The following SLC35F4 variants were observed in gnomAD, a reference collection of about 807,000 sequenced individuals.
SLC35F4 encodes the protein chromosome 14 open reading frame 36.
SLC35F4 carries 24 observed loss-of-function variants against 44.2 expected under a neutral mutation model. The observed-to-expected ratio is 0.54, with a 90% CI of 0.39 to 0.76. The LOEUF (loss-of-function observed/expected upper bound fraction) is 0.76, where lower values mean the gene tolerates loss of function less well. Ranked by LOEUF, SLC35F4 falls within the 30% of genes least tolerant of loss-of-function variation. SLC35F4 has a pLI of 0.00. For missense variants in SLC35F4, 562 were observed against 586.1 expected, an observed-to-expected ratio of 0.96 and a Z score of 0.42; for synonymous variants, 238 against 223.6, an observed-to-expected ratio of 1.06 and a Z score of -0.57.
At chr14:57,663,859 G>C (rs146153078) in intron 1 of SLC35F4, among the ~76,000 whole-genome samples, 118 of 152,228 alleles carry the variant, frequency 7.8e-4, no homozygotes, top group African/African-American at 2.6e-3. Flanking sequence ...GAAAGAGATT[G>C]CAAATTGGCA....
At chr14:57,910,666 ACT>A (rs367629818) in intron 1 of SLC35F4, among the ~76,000 whole-genome samples, 97 of 152,078 alleles carry the variant, frequency 6.4e-4, no homozygotes, top group Middle Eastern at 6.8e-3. Context: ...CCAAATACAC[ACT>A]GTTTTGATTA....
At chr14:57,600,924 T>C (rs931047346) in intron 1 of SLC35F4, among the ~76,000 whole-genome samples, 4 of 151,876 alleles carry the variant, frequency 2.6e-5, no homozygotes, top group Non-Finnish European at 5.9e-5. Flanking sequence ...GGTAAACATA[T>C]AGCCTTGAAG....
At chr14:57,714,644 G>T (rs550090968) in intron 1 of SLC35F4, among the ~76,000 whole-genome samples, 1 of 151,948 alleles carries the variant, frequency 6.6e-6, no homozygotes, top group Non-Finnish European at 1.5e-5. Flanking sequence ...AATACCTACT[G>T]AAAGTCTTGC....
chr14:57,756,378 G>C (rs937832860), intron 1 of SLC35F4, among the ~76,000 whole-genome samples: 1 of 151,916 alleles, frequency 6.6e-6, no homozygotes, highest in African/African-American at 2.4e-5. Flanking sequence ...AGATTTTCTA[G>C]ATACGTTTTT....
intron 1 of SLC35F4, among the ~76,000 whole-genome samples, chr14:57,705,286 G>T (rs11846100): frequency 0.046 from 7,003 of 152,046 alleles, 547 homozygotes; most frequent in African/African-American, 0.15. Context: ...GGGCCAGAAG[G>T]TAGAATATAT....
At chr14:57,678,840 T>C (rs2140297018) in intron 1 of SLC35F4, among the ~76,000 whole-genome samples, 1 of 152,120 alleles carries the variant, frequency 6.6e-6, no homozygotes, top group South Asian at 2.1e-4. Flanking sequence ...CCTAAATATA[T>C]ATGCACCCAA....
chr14:57,937,064 C>CT (rs11458039), intron 1 of SLC35F4, among the ~76,000 whole-genome samples: 109,382 of 144,014 alleles, frequency 0.76, 41,567 homozygotes, highest in East Asian at 0.89. Context: ...ATTTTACCTG[C>CT]TTTTTTTTTT....
chr14:57,834,518 TGAC>T (rs1327701052), intron 1 of SLC35F4, among the ~76,000 whole-genome samples: 3 of 152,230 alleles, frequency 2.0e-5, no homozygotes, highest in Admixed American at 6.5e-5. Flanking sequence ...AGTAAAATGA[TGAC>T]AATTGCAAAA....
chr14:57,833,308 C>A (rs1217776733), intron 1 of SLC35F4, among the ~76,000 whole-genome samples: 1 of 152,212 alleles, frequency 6.6e-6, no homozygotes, highest in East Asian at 1.9e-4. Flanking sequence ...TTGTAAAGGA[C>A]CATCTCTGCT....
intron 1 of SLC35F4, among the ~76,000 whole-genome samples, chr14:57,669,136 G>A (rs1193325543): frequency 1.3e-5 from 2 of 152,018 alleles, no homozygotes; most frequent in East Asian, 3.8e-4. Context: ...CTGTTTGTCT[G>A]TTATTGGTGT....
At chr14:57,737,089 T>A (rs2076483011) in intron 1 of SLC35F4, among the ~76,000 whole-genome samples, 1 of 141,752 alleles carries the variant, frequency 7.1e-6, no homozygotes, top group African/African-American at 2.6e-5. Flanking sequence ...AATGACATTC[T>A]TTCTATCTTT....
rs200262352 is a variant in SLC35F4, at chr14:57,672,900, G to GT, written c.104-78777dup. ...AGGTTTTTTGTTTTTTTATTTGTTT[G>GT]TTTTTTGTTTTTTTGCACAGTGTCT... On this transcript the variant is annotated intron_variant, in intron 1 of 7. Transcript: ENST00000556826. Among the ~76,000 whole-genome samples, 308 of 151,276 alleles carry GT rather than the reference G, an allele frequency of 2.0e-3. 1 individual carries two copies. Among genetic ancestry groups the GT allele is most frequent in the African/African-American group, 7.3e-3 (300 of 41,144 alleles).
chr14:57,647,871 C>T (rs1377548874), intron 1 of SLC35F4, among the ~76,000 whole-genome samples: 2 of 152,150 alleles, frequency 1.3e-5, no homozygotes, highest in Non-Finnish European at 2.9e-5. Context: ...AGCAAGAATC[C>T]TGTTAGTTCG....
At chr14:57,595,398 G>A (rs1341732778) in intron 1 of SLC35F4, among the ~76,000 whole-genome samples, 4 of 152,264 alleles carry the variant, frequency 2.6e-5, no homozygotes, top group East Asian at 3.9e-4. Flanking sequence ...AGCCAAGGTC[G>A]TGTTGGCCAG....
chr14:57,861,576 C>A (rs1008683330), intron 1 of SLC35F4, among the ~76,000 whole-genome samples: 3 of 152,154 alleles, frequency 2.0e-5, no homozygotes, highest in East Asian at 1.9e-4. Flanking sequence ...CCCTCTAATT[C>A]TCTCTTATAC....
chr14:57,586,140 A>T (rs1281239116), intron 3 of SLC35F4, among the ~76,000 whole-genome samples: 1 of 152,192 alleles, frequency 6.6e-6, no homozygotes, highest in Non-Finnish European at 1.5e-5. Flanking sequence ...ATATAGACCA[A>T]TGGAACAGAA....
chr14:57,774,274 T>C (rs2077436722), intron 1 of SLC35F4, among the ~76,000 whole-genome samples: 1 of 152,108 alleles, frequency 6.6e-6, no homozygotes, highest in Admixed American at 6.5e-5. Context: ...CCCCACTGAC[T>C]CCTGTGGGAG....
intron 1 of SLC35F4, among the ~76,000 whole-genome samples, chr14:57,813,406 A>T (rs938800957): frequency 6.6e-6 from 1 of 152,186 alleles, no homozygotes; most frequent in African/African-American, 2.4e-5. Context: ...CCTGGCCTAT[A>T]TGGTGAAACC....
intron 1 of SLC35F4, among the ~76,000 whole-genome samples, chr14:57,689,006 T>C (rs556084559): frequency 6.6e-6 from 1 of 152,282 alleles, no homozygotes; most frequent in African/African-American, 2.4e-5. Context: ...TATTATTTGT[T>C]AGGCAACTGC....
Sources: gnomAD v4.1 joint callset for allele counts (sites outside exome capture counted in the v4.1 genomes callset) on GRCh38, gnomAD v4.1.1 for gene constraint, MANE v1.5 for transcripts, NCBI Gene and HGNC (gene_info 2026-07-23, HGNC 2026-07-21) for gene names.